The following HEPH variants were observed in gnomAD, a reference collection of about 807,000 sequenced individuals.
HEPH encodes the protein hephaestin.
A neutral mutation model predicts 80.8 loss-of-function variants in HEPH; 69 were observed. The ratio of observed to expected loss-of-function variants is 0.85; its 90% confidence interval spans 0.70 to 1.04. The LOEUF (loss-of-function observed/expected upper bound fraction) is 1.04. HEPH is among the 50% of genes least tolerant of loss of function. HEPH has a pLI of 0.00. For missense variants in HEPH, 1,115 were observed against 891.3 expected, an observed-to-expected ratio of 1.25 and a Z score of -3.20; for synonymous variants, 431 against 322.8, an observed-to-expected ratio of 1.34 and a Z score of -3.60.
intron 15 of HEPH, among the ~76,000 whole-genome samples, chrX:66,230,786 T>A (rs1464826688): frequency 1.9e-5 from 2 of 104,462 alleles, no homozygotes; most frequent in South Asian, 4.5e-4. Flanking sequence ...TTTAATTAGA[T>A]CCCATTTGTC....
At chrX:66,213,498 G>A (rs2089246539) in intron 15 of HEPH, among the ~76,000 whole-genome samples, 1 of 111,656 alleles carries the variant, frequency 9.0e-6, no homozygotes, top group Non-Finnish European at 1.9e-5. Flanking sequence ...AGTGTTTGTA[G>A]TTTCTATTGT....
At chrX:66,264,209 T>A (rs912559049) in intron 20 of HEPH, among the ~76,000 whole-genome samples, 4 of 107,447 alleles carry the variant, frequency 3.7e-5, no homozygotes, top group African/African-American at 1.3e-4. Flanking sequence ...ACACAATTCA[T>A]CCATGTAACC....
intron 4 of HEPH, among the ~76,000 whole-genome samples, chrX:66,178,844 A>G (rs1033709029): frequency 8.9e-6 from 1 of 112,130 alleles, no homozygotes; most frequent in Non-Finnish European, 1.9e-5. Flanking sequence ...TCTGGATATT[A>G]TCCCTTTGTC....
intron 15 of HEPH, among the ~76,000 whole-genome samples, chrX:66,231,768 T>C (rs1184885418): frequency 9.3e-6 from 1 of 107,002 alleles, no homozygotes; most frequent in Non-Finnish European, 1.9e-5. Flanking sequence ...ATACCCTTTA[T>C]TTCCTTCTCC....
At position 66,197,821 on chromosome X, in the gene HEPH, G is replaced by A. The variant is rs144732885; in HGVS notation, c.1640G>A (p.Arg547Lys). The A allele has an allele frequency of 1.3e-5, 16 of 1,209,577 alleles. No individual in the cohort carries two copies. In the African/African-American group the frequency reaches 2.3e-4, roughly 17 times the overall value. The change falls in exon 10 of 21, where the codon AGA becomes AAA. Residue 547 changes from arginine to lysine, a missense_variant. By Grantham distance (26) the Arg-to-Lys change is conservative. This residue lies in a region of HEPH where 716 missense variants were observed against 523.5 expected (regional missense o/e 1.37). Transcript: ENST00000343002. ...TACTTCTCTGCTGCAGATCCCATAA[G>A]AGACACAAATTCTGGCCTGGTGGGC... ...WMYFSAADPI[R>K]DTNSGLVGPL...
chrX:66,166,319 G>A (rs1044207347), intron 1 of HEPH, among the ~76,000 whole-genome samples: 1 of 110,844 alleles, frequency 9.0e-6, no homozygotes, highest in Non-Finnish European at 1.9e-5. Flanking sequence ...TCAGCCTCCC[G>A]AGTAGCTGGG....
intron 4 of HEPH, among the ~76,000 whole-genome samples, chrX:66,181,873 T>A (rs1216172833): frequency 9.5e-6 from 1 of 104,845 alleles, no homozygotes; most frequent in African/African-American, 3.5e-5. Flanking sequence ...AATTGATTTT[T>A]GTATAAGGTG....
At chrX:66,268,459 C>T (rs2091585482), downstream of HEPH, 1 of 111,869 alleles carries the variant, frequency 8.9e-6, no homozygotes, top group Admixed American at 9.5e-5. Context: ...ATTTAGATGG[C>T]TAGTTATCCA....
At chrX:66,259,882 T>A (rs916976480) in intron 18 of HEPH, among the ~76,000 whole-genome samples, 1 of 109,210 alleles carries the variant, frequency 9.2e-6, no homozygotes, top group Non-Finnish European at 1.9e-5. Context: ...CAATTTTTTT[T>A]ATTTTTTTTA....
chrX:66,260,946 T>C (rs2091340285), intron 19 of HEPH, among the ~76,000 whole-genome samples: 2 of 111,111 alleles, frequency 1.8e-5, no homozygotes, highest in South Asian at 7.7e-4. Context: ...TTTATACTTT[T>C]TGTAGAGAAG....
At chrX:66,181,981 C>A (rs796569239) in intron 4 of HEPH, among the ~76,000 whole-genome samples, 2 of 110,128 alleles carry the variant, frequency 1.8e-5, no homozygotes, top group South Asian at 8.0e-4. Flanking sequence ...GCTTGTTTTT[C>A]TCAGGTTTGT....
chrX:66,199,353 C>A, intron 11 of HEPH, among the ~76,000 whole-genome samples: 1 of 100,773 alleles, frequency 9.9e-6, no homozygotes, highest in Non-Finnish European at 2.0e-5. Context: ...TATTTTAGTA[C>A]CTTGGGTCCC....
chrX:66,253,423 G>A (rs12015027), intron 15 of HEPH, among the ~76,000 whole-genome samples: 2 of 111,880 alleles, frequency 1.8e-5, no homozygotes, highest in African/African-American at 3.3e-5. Flanking sequence ...CTTTTCACAT[G>A]CTAGGATAAC....
Position 66,256,930 on chromosome X carries a change from CTTTG to C in HEPH, c.2896+605_2896+608del, listed in dbSNP as rs769523731. Among the ~76,000 whole-genome samples, 12 of 111,950 alleles carry C rather than the reference CTTTG, an allele frequency of 1.1e-4. No homozygotes were observed. The South Asian group carries it at 3.4e-3, about 31-fold the overall frequency. On this transcript the variant is annotated intron_variant, in intron 17 of 20. Transcript: ENST00000343002. Reference sequence around the variant, plus strand: ...AGAGAAATTGTGCATCAAAGCCTTCCTTTGTTTGAGAGATCTGTGTAGCTTTTCA... The same window carrying C: ...AGAGAAATTGTGCATCAAAGCCTTCCTTTGAGAGATCTGTGTAGCTTTTCA...
chrX:66,199,147 C>T (rs374025542), intron 11 of HEPH, 119 bp downstream of exon 11: 93 of 717,986 alleles, frequency 1.3e-4, no homozygotes, highest in African/African-American at 3.0e-4. Context: ...GTCCAAGAGG[C>T]GAGCTAGATT....
In HEPH at chrX:66,256,303, A is replaced by T; in HGVS notation, c.2869A>T (p.Thr957Ser). The T allele has an allele frequency of 5.0e-6, 6 of 1,208,609 alleles. No individual in the cohort carries two copies. The highest frequency in any genetic ancestry group is 6.7e-6 in the Non-Finnish European group (6 of 893,043). The change falls in exon 17 of 21, where the codon ACT becomes TCT. Residue 957 changes from threonine to serine, a missense_variant. Thr to Ser is a moderately conservative substitution (Grantham distance 58). This residue lies in a region of HEPH where 716 missense variants were observed against 523.5 expected (regional missense o/e 1.37). Coordinates refer to ENST00000343002, the MANE Select transcript of HEPH (RefSeq NM_001367233.3). ...AGGCAGTATTAACCTACAGGATGAA[A>T]CTTTCTTGGAGAGCAATAAAATGCA... ...DPGSINLQDETFLESNKMHAI... is the reference protein window; with the variant it reads ...DPGSINLQDESFLESNKMHAI...
chrX:66,182,044 G>A lies in HEPH; in HGVS notation c.626-6315G>A, dbSNP rs2147621008. Among the ~76,000 whole-genome samples the A allele has an allele frequency of 2.8e-5, 3 of 106,123 alleles. No individual in the cohort carries two copies. In the South Asian group the frequency reaches 1.3e-3, roughly 46 times the overall value. 92.2% of individuals were successfully genotyped at this position (106,123 alleles called of 115,157 possible). A position where few individuals can be genotyped will look rare whatever the true frequency, so the allele number is the denominator to read the frequency against. Reference sequence around the variant, plus strand: ...GCATTATTTCTGAGGGCTCTGTTCTGTTCCATTGATCTATATCTCTGTTTT... The same window carrying A: ...GCATTATTTCTGAGGGCTCTGTTCTATTCCATTGATCTATATCTCTGTTTT... On this transcript the variant is annotated intron_variant, in intron 4 of 20. Coordinates refer to ENST00000343002, the MANE Select transcript of HEPH (RefSeq NM_001367233.3).
intron 15 of HEPH, among the ~76,000 whole-genome samples, chrX:66,224,909 TTC>T (rs770305159): frequency 1.8e-5 from 2 of 109,473 alleles, no homozygotes; most frequent in African/African-American, 6.7e-5. Flanking sequence ...CTCTGTCTCT[TTC>T]TCTCTCTCTG....
At chrX:66,244,750 T>C (rs2090736229) in intron 15 of HEPH, among the ~76,000 whole-genome samples, 2 of 111,351 alleles carry the variant, frequency 1.8e-5, no homozygotes, top group Non-Finnish European at 3.8e-5. Context: ...TTTTCAGAGT[T>C]TGTGTGCTGA....
Sources: gnomAD v4.1 joint callset for allele counts (sites outside exome capture counted in the v4.1 genomes callset) on GRCh38, gnomAD v4.1.1 for gene constraint, gnomAD v4.1.1 regional missense constraint, MANE v1.5 for transcripts, NCBI Gene and HGNC (gene_info 2026-07-23, HGNC 2026-07-21) for gene names.